Variants in C12orf42 observed in about 807,000 individuals in gnomAD.
C12orf42 encodes the protein uncharacterized protein C12orf42.
A neutral mutation model predicts 21.6 loss-of-function variants in C12orf42; 25 were observed. That is an observed-to-expected ratio of 1.16 (90% CI 0.84 to 1.62). C12orf42 has a LOEUF of 1.62. C12orf42 is among the 40% of genes most tolerant of loss of function. The pLI is 0.00. For synonymous variants in C12orf42, 174 were observed against 175.0 expected (o/e 0.99, Z 0.05); for missense variants, 483 against 459.3 (o/e 1.05, Z -0.47).
At chr12:103,551,855 CA>C in the C12orf42 span, among the ~76,000 whole-genome samples, 1 of 151,376 alleles carries the variant, frequency 6.6e-6, no homozygotes, top group South Asian at 2.1e-4. Flanking sequence ...AATAAGATGA[CA>C]AGAAGAAGAA....
the C12orf42 span, among the ~76,000 whole-genome samples, chr12:103,142,548 A>G: frequency 6.6e-6 from 1 of 152,156 alleles, no homozygotes; most frequent in African/African-American, 2.4e-5. Context: ...CTGAGGACTG[A>G]CCCCAAAGTT....
At chr12:103,416,675 C>T (rs917634539) in intron 2 of C12orf42, among the ~76,000 whole-genome samples, 6 of 151,926 alleles carry the variant, frequency 3.9e-5, no homozygotes, top group Admixed American at 1.3e-4. Context: ...GATATTTTTG[C>T]CCTGACGTAA....
At chr12:103,085,343 C>T in the C12orf42 span, among the ~76,000 whole-genome samples, 1 of 152,032 alleles carries the variant, frequency 6.6e-6, no homozygotes, top group African/African-American at 2.4e-5. Flanking sequence ...TTCACTGTTG[C>T]TTTTAAGGGT....
At chr12:103,136,525 G>C in the C12orf42 span, among the ~76,000 whole-genome samples, 4 of 152,056 alleles carry the variant, frequency 2.6e-5, no homozygotes, top group East Asian at 7.7e-4. Context: ...CACAGAAATA[G>C]AAAAACAGTC....
chr12:103,526,938 G>A, the C12orf42 span, among the ~76,000 whole-genome samples: 1 of 152,198 alleles, frequency 6.6e-6, no homozygotes, highest in East Asian at 1.9e-4. Context: ...CAGTAGAACA[G>A]AACCAAAACT....
the C12orf42 span, among the ~76,000 whole-genome samples, chr12:103,553,716 G>C: frequency 2.6e-5 from 4 of 152,150 alleles, no homozygotes; most frequent in Non-Finnish European, 5.9e-5. Flanking sequence ...GTGTTCAGAA[G>C]TAAAGCCTGG....
intron 3 of C12orf42, among the ~76,000 whole-genome samples, chr12:103,372,596 C>A (rs1022459731): frequency 1.3e-5 from 2 of 152,116 alleles, no homozygotes; most frequent in African/African-American, 4.8e-5. Context: ...AAATCCCCAG[C>A]CCATCACACT....
chr12:103,330,699 G>A (rs750031646), intron 4 of C12orf42, among the ~76,000 whole-genome samples: 24 of 152,132 alleles, frequency 1.6e-4, no homozygotes, highest in Non-Finnish European at 2.9e-4. Flanking sequence ...ACTCCCCACA[G>A]AGCTTTACTT....
At position 103,484,869 on chromosome 12, in the gene C12orf42, T is replaced by G. The variant is rs1188261364; in HGVS notation, c.-21-6422A>C. 3.6e-5 allele frequency among the ~76,000 whole-genome samples: 5 copies of G among 140,654 alleles called. No homozygotes were observed. The South Asian group carries it at 7.4e-4, about 21-fold the overall frequency. 92.3% of individuals were successfully genotyped at this position (140,654 alleles called of 152,430 possible). A position where few individuals can be genotyped will look rare whatever the true frequency, so the allele number is the denominator to read the frequency against. ...AGGAAGGGATCTGGTTTCAGTTTTT[T>G]TTTTTTTTTTTTTTTTTTGAGAAGG... On this transcript the variant is annotated intron_variant, in intron 1 of 5. Coordinates refer to ENST00000548883, the MANE Select transcript of C12orf42 (RefSeq NM_198521.5).
upstream of C12orf42, among the ~76,000 whole-genome samples, chr12:103,499,163 G>T (rs12582330): frequency 0.61 from 93,275 of 151,716 alleles, 30,120 homozygotes; most frequent in Admixed American, 0.74. Flanking sequence ...TCAGTTACAA[G>T]ATCAGCAAGT....
the C12orf42 span, among the ~76,000 whole-genome samples, chr12:103,129,345 C>T: frequency 7.2e-5 from 11 of 152,194 alleles, no homozygotes; most frequent in East Asian, 1.2e-3. Flanking sequence ...AATGAAGTGA[C>T]GTCAGGGCCT....
At chr12:103,530,409 C>A in the C12orf42 span, among the ~76,000 whole-genome samples, 42 of 152,350 alleles carry the variant, frequency 2.8e-4, no homozygotes, top group African/African-American at 9.4e-4. Context: ...CAGATCGCCC[C>A]TGCCTCCCAG....
At chr12:103,232,846 C>G (rs1262687869), downstream of C12orf42, among the ~76,000 whole-genome samples, 1 of 151,922 alleles carries the variant, frequency 6.6e-6, no homozygotes, top group African/African-American at 2.4e-5. Flanking sequence ...ATTTGAATGT[C>G]CAGTTGGTTC....
At chr12:103,173,717 T>C in the C12orf42 span, among the ~76,000 whole-genome samples, 1 of 152,122 alleles carries the variant, frequency 6.6e-6, no homozygotes, top group Non-Finnish European at 1.5e-5. Flanking sequence ...TTCTTTCCTT[T>C]GGTGGATTGT....
chr12:103,205,941 T>G, the C12orf42 span, among the ~76,000 whole-genome samples: 1 of 152,240 alleles, frequency 6.6e-6, no homozygotes, highest in Non-Finnish European at 1.5e-5. Flanking sequence ...AATAGTTCTG[T>G]GAATACTGTG....
At chr12:103,496,996 T>C (rs1440754196), upstream of C12orf42, among the ~76,000 whole-genome samples, 1 of 152,206 alleles carries the variant, frequency 6.6e-6, no homozygotes, top group Non-Finnish European at 1.5e-5. Context: ...TGTTCATCTT[T>C]TCCAGCTAAA....
the C12orf42 span, among the ~76,000 whole-genome samples, chr12:103,211,788 T>C: frequency 6.6e-6 from 1 of 152,222 alleles, no homozygotes; most frequent in East Asian, 1.9e-4. Context: ...AGCTACTATG[T>C]TCTGGAATAA....
At chr12:103,474,450 A>ATGTATG (rs755295802) in intron 2 of C12orf42, among the ~76,000 whole-genome samples, 3,852 of 132,870 alleles carry the variant, frequency 0.029, 60 homozygotes, top group South Asian at 0.066. Context: ...ACATGTATGT[A>ATGTATG]TGTATGTGTG....
the C12orf42 span, among the ~76,000 whole-genome samples, chr12:103,165,163 C>T: frequency 6.6e-6 from 1 of 152,176 alleles, no homozygotes; most frequent in African/African-American, 2.4e-5. Context: ...CTATTTATGC[C>T]ACCTGAATCA....
Sources: gnomAD v4.1 joint callset for allele counts (sites outside exome capture counted in the v4.1 genomes callset) on GRCh38, gnomAD v4.1.1 for gene constraint, MANE v1.5 for transcripts, NCBI Gene and HGNC (gene_info 2026-07-23, HGNC 2026-07-21) for gene names.